The following BAZ1A variants were observed in gnomAD, a reference collection of about 807,000 sequenced individuals.
The protein encoded by BAZ1A is bromodomain adjacent to zinc finger domain protein 1A.
Under a neutral mutation model 185.2 loss-of-function variants are expected in BAZ1A, and 50 were observed. The observed-to-expected ratio is 0.27, with a 90% CI of 0.22 to 0.34. The LOEUF (loss-of-function observed/expected upper bound fraction) is 0.34. Among genes scored for constraint, BAZ1A ranks in the 10% least tolerant of loss-of-function variants. The pLI, the probability that BAZ1A is intolerant of heterozygous loss-of-function variation, is 1.00. For synonymous variants in BAZ1A, 571 were observed against 615.6 expected (o/e 0.93, Z 1.07); for missense variants, 1,356 against 1,839.9 (o/e 0.74, Z 4.81).
At chr14:34,812,204 G>A (rs534019738) in intron 4 of BAZ1A, among the ~76,000 whole-genome samples, 4 of 148,938 alleles carry the variant, frequency 2.7e-5, no homozygotes, top group East Asian at 2.0e-4. Flanking sequence ...CTTCAAAGAG[G>A]TTGATATTTA....
chr14:34,791,872 A>T (rs143586166), intron 12 of BAZ1A, among the ~76,000 whole-genome samples: 1 of 152,344 alleles, frequency 6.6e-6, no homozygotes, highest in African/African-American at 2.4e-5. Flanking sequence ...AATAGTGAAC[A>T]TACTGTTTTA....
chr14:34,820,851 G>C (rs2042078862), intron 4 of BAZ1A, among the ~76,000 whole-genome samples: 1 of 151,760 alleles, frequency 6.6e-6, no homozygotes, highest in Non-Finnish European at 1.5e-5. Context: ...TTGCTGCTTT[G>C]TCAAAGGTCA....
chr14:34,774,613 A>AAATGAATG (rs906237966), intron 18 of BAZ1A, 123 bp from the exon 19 acceptor site: 1 of 749,156 alleles, frequency 1.3e-6, no homozygotes, highest in Non-Finnish European at 2.1e-6. Flanking sequence ...CAAGTGCCAC[A>AAATGAATG]AATGAATGAA....
intron 4 of BAZ1A, among the ~76,000 whole-genome samples, chr14:34,825,438 ACT>A (rs567237067): frequency 0.015 from 1,674 of 113,670 alleles, 21 homozygotes; most frequent in South Asian, 0.041. Flanking sequence ...CAAGATGGAA[ACT>A]CTGTCTCAAA....
chr14:34,863,509 T>C (rs983164762), intron 2 of BAZ1A, among the ~76,000 whole-genome samples: 2 of 152,100 alleles, frequency 1.3e-5, no homozygotes, highest in Non-Finnish European at 2.9e-5. Flanking sequence ...GGTTTCCTCA[T>C]GTTGGCCAGG....
intron 3 of BAZ1A, among the ~76,000 whole-genome samples, chr14:34,860,419 G>T (rs1056958032): frequency 8.2e-5 from 12 of 146,876 alleles, no homozygotes; most frequent in Non-Finnish European, 1.4e-4. Context: ...GAGGTGGGAG[G>T]ATGGCTTAAG....
At chr14:34,862,468 C>T in intron 2 of BAZ1A, 146 bp from the exon 3 acceptor site, 1 of 759,184 alleles carries the variant, frequency 1.3e-6, no homozygotes, top group Non-Finnish European at 2.0e-6. Context: ...GGTTTGGTAA[C>T]TGGTCAACTT....
At position 34,774,358 on chromosome 14, in the gene BAZ1A, C is replaced by T; in HGVS notation, c.2966G>A (p.Arg989Lys). ...LRDFLLDIEDRIYQGTLGAIK... is the reference protein window; with the variant it reads ...LRDFLLDIEDKIYQGTLGAIK... ...GGCTCCTAATGTTCCTTGGTAGATT[C>T]TATCTTCAATATCTAAAAGAAAATC... is the stretch of plus-strand genomic sequence containing the variant. Residue 989 changes from arginine to lysine, a missense_variant, in exon 19 of 27, where the codon AGA becomes AAA. By Grantham distance (26) the Arg-to-Lys change is conservative. Transcript: ENST00000360310. The T allele has an allele frequency of 6.2e-7, 1 of 1,613,000 alleles. No homozygotes were observed. The highest frequency in any genetic ancestry group is 8.5e-7 in the Non-Finnish European group (1 of 1,179,696).
intron 20 of BAZ1A, among the ~76,000 whole-genome samples, chr14:34,773,072 G>A (rs375007086): frequency 3.9e-5 from 6 of 151,926 alleles, no homozygotes; most frequent in African/African-American, 1.4e-4. Context: ...ATGCCACCAT[G>A]CCCAGATAAT....
chr14:34,815,543 T>C (rs2041993548), intron 4 of BAZ1A, among the ~76,000 whole-genome samples: 1 of 152,214 alleles, frequency 6.6e-6, no homozygotes. Context: ...TCAAATATTG[T>C]ACTAATAAAA....
intron 4 of BAZ1A, among the ~76,000 whole-genome samples, chr14:34,814,285 T>C (rs1177616963): frequency 6.6e-6 from 1 of 151,508 alleles, no homozygotes; most frequent in Non-Finnish European, 1.5e-5. Flanking sequence ...CTATGCATTA[T>C]ATATTAACAT....
rs1013880740 is a variant in BAZ1A at position 34,874,691 on chromosome 14, G to A, written c.-58-29C>T. On this transcript the variant is annotated intron_variant, in intron 1 of 26. Transcript: ENST00000360310. The surrounding 1 kb of genome is among the most constrained non-coding windows in gnomAD (Gnocchi z 4.7). Reference sequence around the variant, plus strand: ...TCAAAATTGGAGGGAAAGGAAAGCCGGTAAGGTGGGGAGCCCTCGGCGGCA... The same window carrying A: ...TCAAAATTGGAGGGAAAGGAAAGCCAGTAAGGTGGGGAGCCCTCGGCGGCA... The A allele has an allele frequency of 1.8e-5, 21 of 1,180,636 alleles. No homozygotes were observed. The highest frequency in any genetic ancestry group is 1.3e-4 in the South Asian group (9 of 70,170). The allele number at this position is 1,180,636 out of a possible 1,614,324, so 73.1% of individuals were successfully genotyped here.
chr14:34,858,746 A>G (rs2080824328), intron 3 of BAZ1A, among the ~76,000 whole-genome samples: 1 of 151,982 alleles, frequency 6.6e-6, no homozygotes, highest in South Asian at 2.1e-4. Flanking sequence ...CAAAAAATAA[A>G]TAAATTTTAA....
At chr14:34,819,937 T>G (rs956535041) in intron 4 of BAZ1A, among the ~76,000 whole-genome samples, 2 of 152,170 alleles carry the variant, frequency 1.3e-5, no homozygotes, top group African/African-American at 2.4e-5. Context: ...GCATTTGGTG[T>G]TGTCAGTGTT....
At chr14:34,857,222 G>A (rs1052134953) in intron 3 of BAZ1A, among the ~76,000 whole-genome samples, 17 of 151,990 alleles carry the variant, frequency 1.1e-4, no homozygotes, top group African/African-American at 4.1e-4. Context: ...TAGCCAGGAT[G>A]GTCTCGATCT....
At chr14:34,839,839 CAAAAA>C (rs60954768) in intron 3 of BAZ1A, among the ~76,000 whole-genome samples, 1 of 106,680 alleles carries the variant, frequency 9.4e-6, no homozygotes, top group Non-Finnish European at 1.9e-5. Flanking sequence ...GCCTCTGTTT[CAAAAA>C]AAAAAAAAAA....
chr14:34,753,750 TTATAA>T, intron 26 of BAZ1A, 46 bp from the exon 27 acceptor site: 2 of 1,378,214 alleles, frequency 1.5e-6, no homozygotes, highest in Non-Finnish European at 1.9e-6. Flanking sequence ...AGTACATAAA[TTATAA>T]TAAATATAAT....
intron 3 of BAZ1A, among the ~76,000 whole-genome samples, chr14:34,835,515 C>T (rs1037901131): frequency 1.6e-4 from 25 of 151,894 alleles, no homozygotes; most frequent in Non-Finnish European, 2.9e-4. Context: ...AAGGGCATTT[C>T]ACAACTTTAA....
At chr14:34,794,014 C>T (rs1460593916) in intron 11 of BAZ1A, among the ~76,000 whole-genome samples, 3 of 150,956 alleles carry the variant, frequency 2.0e-5, no homozygotes, top group African/African-American at 7.3e-5. Context: ...TGCCTGTAGT[C>T]CCAGCTACTT....
Sources: gnomAD v4.1 joint callset for allele counts (sites outside exome capture counted in the v4.1 genomes callset) on GRCh38, gnomAD v4.1.1 for gene constraint, Gnocchi (gnomAD v3.1) non-coding constraint, MANE v1.5 for transcripts, NCBI Gene and HGNC (gene_info 2026-07-23, HGNC 2026-07-21) for gene names.